The following CTNND2 variants were observed in gnomAD, a reference collection of about 807,000 sequenced individuals.
The protein encoded by CTNND2 is catenin delta-2.
CTNND2 carries 22 observed loss-of-function variants against 144.4 expected under a neutral mutation model. That is an observed-to-expected ratio of 0.15 (90% CI 0.11 to 0.22). The LOEUF is 0.22. CTNND2 is among the 10% of genes least tolerant of loss of function. The pLI is 1.00. For synonymous variants in CTNND2, 751 were observed against 695.6 expected, an observed-to-expected ratio of 1.08 and a Z score of -1.25; for missense variants, 1,353 against 1,618.8, an observed-to-expected ratio of 0.84 and a Z score of 2.82.
intron 9 of CTNND2, 32 bp downstream of exon 9, chr5:11,346,340 C>T: frequency 4.3e-6 from 6 of 1,409,924 alleles, no homozygotes; most frequent in Non-Finnish European, 5.6e-6. Context: ...CCTCTTTAGA[C>T]ATCATAGGGA....
intron 2 of CTNND2, among the ~76,000 whole-genome samples, chr5:11,658,671 T>C (rs753393798): frequency 6.6e-5 from 10 of 152,168 alleles, no homozygotes; most frequent in Admixed American, 1.3e-4. Flanking sequence ...CCCCCTGGCT[T>C]CACGCACTCA....
At chr5:10,997,590 T>TAAA (rs59086011) in intron 18 of CTNND2, among the ~76,000 whole-genome samples, 1 of 137,410 alleles carries the variant, frequency 7.3e-6, no homozygotes, top group Non-Finnish European at 1.6e-5. Context: ...GACTCCATCT[T>TAAA]AAAAAAAAAA....
intron 1 of CTNND2, among the ~76,000 whole-genome samples, chr5:11,874,829 T>C (rs541343089): frequency 5.1e-4 from 78 of 152,324 alleles, no homozygotes; most frequent in African/African-American, 1.7e-3. Context: ...ACGAAATTGA[T>C]ACCACAATCC....
chr5:11,665,472 C>T (rs182201381), intron 2 of CTNND2, among the ~76,000 whole-genome samples: 1 of 152,186 alleles, frequency 6.6e-6, no homozygotes, highest in East Asian at 1.9e-4. Flanking sequence ...TTTTCACAAC[C>T]ACAATGTTAT....
Position 11,497,521 on chromosome 5 carries a change from G to A in CTNND2, c.287+67423C>T, listed in dbSNP as rs1361582373. Among the ~76,000 whole-genome samples, 5 of 86,676 alleles carry A rather than the reference G, an allele frequency of 5.8e-5. 1 individual carries two copies. Among genetic ancestry groups the A allele is most frequent in the East Asian group, 3.8e-4 (1 of 2,608 alleles). The allele number at this position is 86,676 out of a possible 152,430, so 56.9% of individuals were successfully genotyped here. Reference sequence around the variant, plus strand: ...GCAAAGAATGATGTGCGGGGGGGTGGGGGGGGGCAATATGTGCAAAGGCCC... The same window carrying A: ...GCAAAGAATGATGTGCGGGGGGGTGAGGGGGGGCAATATGTGCAAAGGCCC... On this transcript the variant is annotated intron_variant, in intron 3 of 21. Coordinates refer to ENST00000304623, the MANE Select transcript of CTNND2 (RefSeq NM_001332.4).
At chr5:11,684,719 GT>G (rs1784567132) in intron 2 of CTNND2, among the ~76,000 whole-genome samples, 2 of 152,284 alleles carry the variant, frequency 1.3e-5, no homozygotes, top group Admixed American at 6.5e-5. Flanking sequence ...ATAGTACTCT[GT>G]TAGGTGATCT....
intron 12 of CTNND2, among the ~76,000 whole-genome samples, chr5:11,141,016 A>C (rs1269113865): frequency 6.6e-6 from 1 of 152,056 alleles, no homozygotes; most frequent in Non-Finnish European, 1.5e-5. Flanking sequence ...ATGCAGTGGC[A>C]TAATCAGGGC....
chr5:11,140,691 G>A (rs747467741), intron 12 of CTNND2, among the ~76,000 whole-genome samples: 2 of 152,142 alleles, frequency 1.3e-5, no homozygotes, highest in Non-Finnish European at 2.9e-5. Context: ...TTCAGGATGT[G>A]CAATGGAAAG....
chr5:10,986,788 G>A (rs142649053), intron 20 of CTNND2: 16 of 409,818 alleles, frequency 3.9e-5, no homozygotes, highest in Middle Eastern at 4.0e-4. Context: ...TTTTCTTTAC[G>A]CAGCTGAGCA....
chr5:11,831,440 G>A (rs955770289), intron 1 of CTNND2, among the ~76,000 whole-genome samples: 28 of 151,780 alleles, frequency 1.8e-4, no homozygotes, highest in Non-Finnish European at 1.5e-4. Context: ...AGGCTGAGCC[G>A]GGTAGATCAC....
Position 10,988,221 on chromosome 5 carries a change from C to T in CTNND2, c.3233G>A (p.Arg1078Gln), listed in dbSNP as rs746666495. ...CCTTTCTTTGAGGCTGATCATTTCC[C>T]GAGGTGAAGCTGGGGCACTTGCTAC... is the stretch of plus-strand genomic sequence containing the variant. ...NRSASAPASP[R>Q]EMISLKERKT... The change falls in exon 20 of 22, where the codon CGG becomes CAG. Residue 1078 changes from arginine (R) to glutamine (Q), a missense_variant. Around this residue, in one of 4 missense-constraint regions of CTNND2, gnomAD observed 459 missense variants for 674.3 expected, o/e 0.68. Coordinates refer to ENST00000304623, the MANE Select transcript of CTNND2 (RefSeq NM_001332.4). This position sits in a 1 kb window ranked among gnomAD's most constrained non-coding sequence, Gnocchi z 5.9. The T allele has an allele frequency of 5.0e-6, 8 of 1,613,968 alleles. No homozygotes were observed. The highest frequency in any genetic ancestry group is 2.2e-5 in the South Asian group (2 of 91,068).
intron 3 of CTNND2, among the ~76,000 whole-genome samples, chr5:11,430,304 T>C (rs1324698261): frequency 1.4e-5 from 2 of 144,538 alleles, no homozygotes; most frequent in Admixed American, 1.4e-4. Context: ...CATTAAGAGT[T>C]AGTATAAAAA....
chr5:11,022,845 T>A lies in CTNND2; in HGVS notation c.2923A>T (p.Met975Leu). The change falls in exon 17 of 22, where the codon ATG (methionine) becomes TTG (leucine). Residue 975 changes from methionine to leucine, a missense_variant. Met to Leu is a conservative substitution (Grantham distance 15). This residue lies in a region of CTNND2 where 459 missense variants were observed against 674.3 expected (regional missense o/e 0.68). Transcript: ENST00000304623. ...CTLHEVITKN[M>L]ENAKALRDAG... ...TCCCGTAAGGCCTTGGCGTTCTCCA[T>A]GTTCTTGGTAATCACTTCGTGCAGT... 6.2e-7 allele frequency: 1 copy of A among 1,614,272 alleles called. No individual in the cohort carries two copies. The highest frequency in any genetic ancestry group is 1.1e-5 in the South Asian group (1 of 91,086).
chr5:11,401,892 C>T (rs1760681987), intron 5 of CTNND2, among the ~76,000 whole-genome samples: 1 of 152,080 alleles, frequency 6.6e-6, no homozygotes, highest in Non-Finnish European at 1.5e-5. Flanking sequence ...TGTGCAAGTG[C>T]TTGGAAAAAT....
At chr5:11,139,320 C>G (rs935355688) in intron 12 of CTNND2, among the ~76,000 whole-genome samples, 6 of 152,188 alleles carry the variant, frequency 3.9e-5, no homozygotes, top group Admixed American at 1.3e-4. Context: ...ACCCAAGAAG[C>G]CTGTCTGCAT....
intron 3 of CTNND2, among the ~76,000 whole-genome samples, chr5:11,503,438 G>A (rs912101550): frequency 5.9e-5 from 9 of 152,134 alleles, no homozygotes; most frequent in Non-Finnish European, 8.8e-5. Flanking sequence ...AAATGTCTCC[G>A]TTGACCAAGG....
intron 9 of CTNND2, among the ~76,000 whole-genome samples, chr5:11,270,637 T>A (rs191839531): frequency 6.6e-6 from 1 of 152,320 alleles, no homozygotes; most frequent in East Asian, 1.9e-4. Flanking sequence ...CATGGTACCA[T>A]GAGAAGCAGC....
At chr5:11,366,241 T>C (rs928152224) in intron 7 of CTNND2, among the ~76,000 whole-genome samples, 32 of 152,248 alleles carry the variant, frequency 2.1e-4, no homozygotes, top group African/African-American at 7.2e-4. Flanking sequence ...AAAGCCATTG[T>C]AAAGTTTTAA....
At chr5:11,650,564 A>C (rs1181830940) in intron 2 of CTNND2, among the ~76,000 whole-genome samples, 1 of 152,180 alleles carries the variant, frequency 6.6e-6, no homozygotes, top group Admixed American at 6.5e-5. Context: ...TAAAGTGTTG[A>C]ACTTTCTAGA....
Sources: gnomAD v4.1 joint callset for allele counts (sites outside exome capture counted in the v4.1 genomes callset) on GRCh38, gnomAD v4.1.1 for gene constraint, gnomAD v4.1.1 regional missense constraint, Gnocchi (gnomAD v3.1) non-coding constraint, MANE v1.5 for transcripts, NCBI Gene and HGNC (gene_info 2026-07-23, HGNC 2026-07-21) for gene names.